The following PDE6B variants were observed in gnomAD, a reference collection of about 807,000 sequenced individuals.
The protein encoded by PDE6B is rod cGMP-specific 3',5'-cyclic phosphodiesterase subunit beta.
Under a neutral mutation model 109.0 loss-of-function variants are expected in PDE6B, and 106 were observed. That is an observed-to-expected ratio of 0.97 (90% confidence interval 0.83 to 1.14). The LOEUF (loss-of-function observed/expected upper bound fraction) is 1.14, where lower values mean the gene tolerates loss of function less well. Ranked by LOEUF, PDE6B falls within the 50% of genes most tolerant of loss-of-function variation. The pLI is 0.00. For synonymous variants in PDE6B, 490 were observed against 471.3 expected (o/e 1.04, Z -0.51); for missense variants, 1,193 against 1,155.6 (o/e 1.03, Z -0.47).
At chr4:669,342 CCTACCCCAT>C (rs1560143089) in intron 21 of PDE6B, among the ~76,000 whole-genome samples, 3 of 121,116 alleles carry the variant, frequency 2.5e-5, no homozygotes, top group Non-Finnish European at 3.4e-5. Context: ...ATGCTATTCC[CCTACCCCAT>C]GCTATTCCCA....
intron 3 of PDE6B, chr4:653,219 C>T: frequency 3.0e-6 from 3 of 1,009,678 alleles, no homozygotes; most frequent in African/African-American, 1.7e-5. Flanking sequence ...CGGTAGAAGA[C>T]CCAGCGGCCG....
rs1734681776 is a variant in PDE6B, at chr4:636,379, T to A, written c.711+410T>A. 6.6e-6 allele frequency among the ~76,000 whole-genome samples: 1 copy of A among 151,946 alleles called. No individual in the cohort carries two copies. The highest frequency in any genetic ancestry group is 1.5e-5 in the Non-Finnish European group (1 of 67,948). On this transcript the variant is annotated intron_variant, in intron 3 of 21. Coordinates refer to ENST00000496514, the MANE Select transcript of PDE6B (RefSeq NM_000283.4). This position sits in a 1 kb window ranked among gnomAD's most constrained non-coding sequence, Gnocchi z 4.5. Reference sequence around the variant, plus strand: ...GACTGAGAGAGGGTGTAGGGGCAGGTCCGGCCCTGGCTGAGAGAGGGTACG... The same window carrying A: ...GACTGAGAGAGGGTGTAGGGGCAGGACCGGCCCTGGCTGAGAGAGGGTACG...
rs1737359732 is a variant in PDE6B, at chr4:663,400, G to GA, written c.1920+216dup. Among the ~76,000 whole-genome samples the GA allele has an allele frequency of 6.6e-6, 1 of 152,206 alleles. No homozygotes were observed. Reference sequence around the variant, plus strand: ...AAAACGCTTGTGGGGAAGACAACTGGAAAGGGCCCCTCATGGGGTGGGGTG... The same window carrying GA: ...AAAACGCTTGTGGGGAAGACAACTGGAAAAGGGCCCCTCATGGGGTGGGGTG... On this transcript the variant is annotated intron_variant, in intron 15 of 21. Transcript: ENST00000496514. The surrounding 1 kb of genome is among the most constrained non-coding windows in gnomAD (Gnocchi z 4.0).
chr4:642,336 C>G (rs746284935), intron 3 of PDE6B, among the ~76,000 whole-genome samples: 26 of 151,988 alleles, frequency 1.7e-4, no homozygotes, highest in Non-Finnish European at 3.2e-4. Flanking sequence ...ATTAGCCAGG[C>G]ATGGTGGTGC....
intron 3 of PDE6B, among the ~76,000 whole-genome samples, chr4:650,023 A>G (rs1735418955): frequency 6.6e-6 from 1 of 152,222 alleles, no homozygotes; most frequent in South Asian, 2.1e-4. Flanking sequence ...CAGGAGGGAC[A>G]CAACCTCAGC....
At position 663,853 on chromosome 4, in the gene PDE6B, C is replaced by T. The variant is rs1251819750; in HGVS notation, c.2004C>T (p.Asp668=). ...HLMDIAIIAT[D]LALYFKKRAM... ...TGGACATCGCCATCATCGCCACGGACCTGGCCCTGTACTTCAAGTGCGCGC... is the reference window on the plus strand; with the variant it reads ...TGGACATCGCCATCATCGCCACGGATCTGGCCCTGTACTTCAAGTGCGCGC... Residue 668 remains aspartate, a synonymous_variant, in exon 16 of 22, where the codon GAC becomes GAT. Coordinates refer to ENST00000496514, the MANE Select transcript of PDE6B (RefSeq NM_000283.4). The surrounding 1 kb of genome is among the most constrained non-coding windows in gnomAD (Gnocchi z 4.0). 3.7e-6 allele frequency: 6 copies of T among 1,611,540 alleles called. No individual in the cohort carries two copies. The highest frequency in any genetic ancestry group is 4.5e-5 in the East Asian group (2 of 44,852).
At chr4:650,389 C>T (rs1047857390) in intron 3 of PDE6B, among the ~76,000 whole-genome samples, 1 of 152,226 alleles carries the variant, frequency 6.6e-6, no homozygotes, top group African/African-American at 2.4e-5. Flanking sequence ...CAGGCAGACC[C>T]CAGGTGCGAA....
chr4:643,365 T>C (rs1465456510), intron 3 of PDE6B, among the ~76,000 whole-genome samples: 5 of 152,194 alleles, frequency 3.3e-5, no homozygotes, highest in Non-Finnish European at 7.3e-5. Flanking sequence ...CATTGGTCTG[T>C]AGTTTTTCTT....
rs1734490046 is a variant in PDE6B, at chr4:633,488, T to A, written c.469-1189T>A. Among the ~76,000 whole-genome samples the A allele has an allele frequency of 6.6e-6, 1 of 152,038 alleles. No homozygotes were observed. Among genetic ancestry groups the A allele is most frequent in the African/African-American group, 2.4e-5 (1 of 41,402 alleles). ...CAGGCTTCCTCTGACCTCTCAACCT[T>A]GCTGCAGGGGAAGGGGGTGGAGGGG... On this transcript the variant is annotated intron_variant, in intron 1 of 21. Coordinates refer to ENST00000496514, the MANE Select transcript of PDE6B (RefSeq NM_000283.4). The surrounding 1 kb of genome is among the most constrained non-coding windows in gnomAD (Gnocchi z 4.5).
rs79510306 is a variant in PDE6B, at chr4:668,496, T to C, written c.2503+490T>C. ...ACCCCATGCTGCTCCCACTACCCCA[T>C]GCTATTCCCCTACCCCATGCTAGTA... On this transcript the variant is annotated intron_variant, in intron 21 of 21. Coordinates refer to ENST00000496514, the MANE Select transcript of PDE6B (RefSeq NM_000283.4). Among the ~76,000 whole-genome samples the C allele has an allele frequency of 7.9e-3, 890 of 112,416 alleles. 9 individuals are homozygous for C. The highest frequency in any genetic ancestry group is 0.021 in the Middle Eastern group (3 of 146). The allele number at this position is 112,416 out of a possible 152,430, so 73.7% of individuals were successfully genotyped here.
At chr4:635,753 T>C (rs1734647373) in intron 2 of PDE6B, 127 bp from the exon 3 acceptor site, 1 of 712,012 alleles carries the variant, frequency 1.4e-6, no homozygotes, top group African/African-American at 1.7e-5. Flanking sequence ...CATGTCTGCC[T>C]GTGGGGCACA....
rs761498731 is a variant in PDE6B, at chr4:655,946, C to T, written c.999C>T (p.Pro333=). The T allele has an allele frequency of 1.2e-6, 2 of 1,608,160 alleles. No individual in the cohort carries two copies. Among genetic ancestry groups the T allele is most frequent in the Non-Finnish European group, 1.7e-6 (2 of 1,174,906 alleles). ...GKEEIKVIPT[P]SADHWALASG... ...CCCTGCTCTCTGCCCACAGCACACC[C>T]TCAGCCGATCACTGGGCCCTGGCCA... Residue 333 remains proline, a synonymous_variant, in exon 7 of 22, where the codon CCC becomes CCT. Transcript: ENST00000496514.
intron 1 of PDE6B, 68 bp from the exon 2 acceptor site, chr4:634,609 C>T: frequency 7.7e-7 from 1 of 1,305,700 alleles, no homozygotes; most frequent in Non-Finnish European, 1.1e-6. Flanking sequence ...TTGACGACAA[C>T]CCCAGTGGTG....
rs755118928 is a variant in PDE6B at position 656,269 on chromosome 4, G to A, written c.1084G>A (p.Ala362Thr). 24 of 1,595,564 alleles carry A rather than the reference G, an allele frequency of 1.5e-5. No homozygotes were observed. Among genetic ancestry groups the A allele is most frequent in the South Asian group, 4.4e-5 (4 of 90,696 alleles). Reference sequence around the variant, plus strand: ...GATTTGTAACATCATGAATGCTTCCGCTGACGAAATGTTCAAATTTCAGGT... The same window carrying A: ...GATTTGTAACATCATGAATGCTTCCACTGACGAAATGTTCAAATTTCAGGT... Reference protein sequence around the residue: ...GFICNIMNASADEMFKFQEGA... With the variant: ...GFICNIMNASTDEMFKFQEGA... The change falls in exon 8 of 22, where the codon GCT becomes ACT. Residue 362 changes from alanine (A) to threonine (T), a missense_variant. Ala to Thr is a moderately conservative substitution (Grantham distance 58, BLOSUM62 0). Transcript: ENST00000496514.
rs567855892 is a variant in PDE6B, at chr4:655,793, C to T, written c.993-147C>T. 140 of 711,238 alleles carry T rather than the reference C, an allele frequency of 2.0e-4. 1 individual carries two copies. The highest frequency in any genetic ancestry group is 1.4e-3 in the East Asian group (53 of 37,714). The allele number at this position is 711,238 out of a possible 1,614,324, so 44.1% of individuals were successfully genotyped here. A position where few individuals can be genotyped will look rare whatever the true frequency, so the allele number is the denominator to read the frequency against. ...GACCCCTGCACACACACGTGCAGCC[C>T]AGACCAGCCCCTCTGACCCCTGCAC... On this transcript the variant is annotated intron_variant, in intron 6 of 21. Coordinates refer to ENST00000496514, the MANE Select transcript of PDE6B (RefSeq NM_000283.4).
chr4:669,850 T>C (rs535938274), intron 21 of PDE6B, among the ~76,000 whole-genome samples, 196 bp from the exon 22 acceptor site: 1 of 152,034 alleles, frequency 6.6e-6, no homozygotes, highest in South Asian at 2.1e-4. Flanking sequence ...AGGATGAGCA[T>C]AATCAGGGCA....
rs890915143 is a variant in PDE6B at position 666,690 on chromosome 4, C to T, written c.2352+76C>T. ...CAGGCAAGGGGGCGCGGGCTGGAGTCGCGTGGACTCACACGGGCCCGGCGG... is the reference window on the plus strand; with the variant it reads ...CAGGCAAGGGGGCGCGGGCTGGAGTTGCGTGGACTCACACGGGCCCGGCGG... On this transcript the variant is annotated intron_variant, in intron 20 of 21. Transcript: ENST00000496514. The surrounding 1 kb of genome is among the most constrained non-coding windows in gnomAD (Gnocchi z 5.6). 1.4e-5 allele frequency: 13 copies of T among 951,764 alleles called. No individual in the cohort carries two copies. Among genetic ancestry groups the T allele is most frequent in the South Asian group, 5.2e-5 (4 of 77,114 alleles). 59.0% of individuals were successfully genotyped at this position (951,764 alleles called of 1,614,324 possible).
rs533000658 is a variant in PDE6B at position 629,612 on chromosome 4, C to T, written c.468+3518C>T. ...CCCCCTGCCCCAAAACACCTCATCACGGGGTCCTGCACGTCGCCAGCAGTC... is the reference window on the plus strand; with the variant it reads ...CCCCCTGCCCCAAAACACCTCATCATGGGGTCCTGCACGTCGCCAGCAGTC... On this transcript the variant is annotated intron_variant, in intron 1 of 21. Transcript: ENST00000496514. Among the ~76,000 whole-genome samples the T allele has an allele frequency of 2.5e-4, 38 of 152,372 alleles. 1 individual carries two copies. In the South Asian group the frequency reaches 5.2e-3, roughly 21 times the overall value.
At position 655,973 on chromosome 4, in the gene PDE6B, C is replaced by T. The variant is rs754298712; in HGVS notation, c.1026C>T (p.Ser342=). The T allele has an allele frequency of 3.1e-6, 5 of 1,610,062 alleles. No individual in the cohort carries two copies. Among genetic ancestry groups the T allele is most frequent in the Non-Finnish European group, 1.7e-6 (2 of 1,176,640 alleles). Residue 342 remains serine, a synonymous_variant, in exon 7 of 22, where the codon AGC becomes AGT. Coordinates refer to ENST00000496514, the MANE Select transcript of PDE6B (RefSeq NM_000283.4). ...TPSADHWALA[S]GLPSYVAESG... is the part of the protein sequence containing the mutation. ...CAGCCGATCACTGGGCCCTGGCCAG[C>T]GGCCTTCCAAGCTACGTGGCAGAAA...
Sources: allele counts gnomAD v4.1 joint callset (sites outside exome capture counted in the v4.1 genomes callset), GRCh38; gene constraint gnomAD v4.1.1; non-coding constraint Gnocchi (gnomAD v3.1); transcripts MANE v1.5; gene names NCBI Gene and HGNC (gene_info 2026-07-23, HGNC 2026-07-21).